BBS10: variants seen among roughly 807,000 people sequenced by gnomAD.
BBS10 encodes the protein BBSome complex assembly protein BBS10.
Under a neutral mutation model 12.7 loss-of-function variants are expected in BBS10, and 13 were observed. The observed-to-expected ratio is 1.03, with a 90% CI of 0.67 to 1.63. The LOEUF is 1.63. Among genes scored for constraint, BBS10 ranks in the 40% most tolerant of loss-of-function variants. BBS10 has a pLI of 0.00. For missense variants in BBS10, 858 were observed against 858.0 expected, an observed-to-expected ratio of 1.00 and a Z score of 0.00; for synonymous variants, 294 against 304.8, an observed-to-expected ratio of 0.96 and a Z score of 0.37.
chr12:76,346,469 A>T lies in BBS10; in HGVS notation c.1516T>A (p.Tyr506Asn), dbSNP rs750994616. 8 of 1,614,162 alleles carry T rather than the reference A, an allele frequency of 5.0e-6. No individual in the cohort carries two copies. The highest frequency in any genetic ancestry group is 6.8e-6 in the Non-Finnish European group (8 of 1,180,000). Residue 506 changes from tyrosine (Y) to asparagine (N), a missense_variant, in exon 2 of 2, where the codon TAT becomes AAT. Transcript: ENST00000650064. ...PDVELETYIP[Y>N]STPTLTPTDT... ...GTTGGTGTCAGTGTGGGGGTTGAAT[A>T]CGGAATATATGTTTCTAATTCTACA...
rs762785764 is a variant in BBS10, at chr12:76,346,860, G to A, written c.1125C>T (p.Ile375=). Residue 375 remains isoleucine, a synonymous_variant, in exon 2 of 2, where the codon ATC becomes ATT. Coordinates refer to ENST00000650064, the MANE Select transcript of BBS10 (RefSeq NM_024685.4). ...TALVKFCKPL[I]LRSKRYVHLG... ...GATGAACATATCTTTTGGATCTAAG[G>A]ATAAGAGGTTTACAAAATTTCACCA... 2.5e-6 allele frequency: 4 copies of A among 1,613,788 alleles called. No homozygotes were observed. Among genetic ancestry groups the A allele is most frequent in the Admixed American group, 3.3e-5 (2 of 59,990 alleles).
At position 76,346,253 on chromosome 12, in the gene BBS10, AGCTCACTGGTAACAT is replaced by A; in HGVS notation, c.1717_1731del (p.Met573_Ser577del). On this transcript the variant is annotated inframe_deletion, in exon 2 of 2. Coordinates refer to ENST00000650064, the MANE Select transcript of BBS10 (RefSeq NM_024685.4). ...GAAGTACCCATATTCGGTAACTTAC[AGCTCACTGGTAACAT>A]GCTTCCCTTTCTAGTAATATTTGTG... is the stretch of plus-strand genomic sequence containing the variant. 6.2e-7 allele frequency: 1 copy of A among 1,612,438 alleles called. No homozygotes were observed. Among genetic ancestry groups the A allele is most frequent in the Non-Finnish European group, 8.5e-7 (1 of 1,179,134 alleles).
chr12:76,346,931 C>A lies in BBS10; in HGVS notation c.1054G>T (p.Val352Leu), dbSNP rs779201114. 1.9e-6 allele frequency: 3 copies of A among 1,611,602 alleles called. No individual in the cohort carries two copies. The South Asian group carries it at 3.3e-5, about 18-fold the overall frequency. The change falls in exon 2 of 2, where the codon GTA becomes TTA. Residue 352 changes from valine to leucine, a missense_variant. By Grantham distance (32) the Val-to-Leu change is conservative. Transcript: ENST00000650064. Reference protein sequence around the residue: ...IRRIIGLSPFVPPQAFSQCEI... With the variant: ...IRRIIGLSPFLPPQAFSQCEI... ...CACTGCGAAAAGGCCTGTGGTGGTA[C>A]AAATGGAGAAAGACCAATGATCCTC...
At position 76,346,862 on chromosome 12, in the gene BBS10, T is replaced by TA. The variant is rs753604828; in HGVS notation, c.1122dup (p.Ile375TyrfsTer3). On this transcript the variant is annotated frameshift_variant, in exon 2 of 2. Transcript: ENST00000650064. LOFTEE classifies it low-confidence loss of function (END_TRUNC). ...TGAACATATCTTTTGGATCTAAGGA[T>TA]AAGAGGTTTACAAAATTTCACCAAA... The TA allele has an allele frequency of 3.1e-6, 5 of 1,613,828 alleles. No homozygotes were observed. The African/African-American group carries it at 6.7e-5, about 22-fold the overall frequency.
Position 76,347,293 on chromosome 12 carries a change from G to C in BBS10, c.692C>G (p.Ser231Ter). 7.4e-6 allele frequency: 12 copies of C among 1,613,828 alleles called. No individual in the cohort carries two copies. The highest frequency in any genetic ancestry group is 1.0e-5 in the Non-Finnish European group (12 of 1,180,020). The change falls in exon 2 of 2, where the codon TCA becomes TGA. Residue 231 changes from serine (S) to a stop codon, truncating the protein, a stop_gained. Transcript: ENST00000650064. LOFTEE classifies it low-confidence loss of function (END_TRUNC). ...LNVGVTGLPVSDSRIIAGLVL... is the reference protein window; with the variant it reads ...LNVGVTGLPV Reference sequence around the variant, plus strand: ...AAGACCAGCTATGATCCTGGAATCTGAAACAGGAAGGCCAGTGACACCAAC... The same window carrying C: ...AAGACCAGCTATGATCCTGGAATCTCAAACAGGAAGGCCAGTGACACCAAC...
Position 76,345,934 on chromosome 12 carries a change from T to G in BBS10, c.2051A>C (p.Lys684Thr). The part of the protein sequence containing the change: ...SQTGLESVMG[K>T]YQLLTSVLQC... Reference sequence around the variant, plus strand: ...AAGAACTGAAGTTAGTAGCTGGTATTTACCCATTACTGATTCCAAACCTGT... The same window carrying G: ...AAGAACTGAAGTTAGTAGCTGGTATGTACCCATTACTGATTCCAAACCTGT... Residue 684 changes from lysine to threonine, a missense_variant, in exon 2 of 2, where the codon AAA becomes ACA. Physicochemically the swap from Lys to Thr is moderately conservative, Grantham distance 78. Coordinates refer to ENST00000650064, the MANE Select transcript of BBS10 (RefSeq NM_024685.4). The G allele has an allele frequency of 6.2e-7, 1 of 1,614,070 alleles. No homozygotes were observed. The highest frequency in any genetic ancestry group is 8.5e-7 in the Non-Finnish European group (1 of 1,179,926).
rs376497190 is a variant in BBS10 at position 76,347,797 on chromosome 12, A to G, written c.198-10T>C. 53 of 1,599,402 alleles carry G rather than the reference A, an allele frequency of 3.3e-5. No individual in the cohort carries two copies. In the East Asian group the frequency reaches 3.6e-4, roughly 11 times the overall value. On this transcript the variant is annotated splice_polypyrimidine_tract_variant and intron_variant, in intron 1 of 1. Coordinates refer to ENST00000650064, the MANE Select transcript of BBS10 (RefSeq NM_024685.4). Reference sequence around the variant, plus strand: ...ACAGTCCACTATCATCCTGTACAAAAAAGAAATAAAGCAACTCATTTTCAG... The same window carrying G: ...ACAGTCCACTATCATCCTGTACAAAGAAGAAATAAAGCAACTCATTTTCAG...
chr12:76,344,937 TTAAAAA>T lies in BBS10; in HGVS notation c.*870_*875del, dbSNP rs1448349817. On this transcript the variant is annotated 3_prime_UTR_variant, in exon 2 of 2. Coordinates refer to ENST00000650064, the MANE Select transcript of BBS10 (RefSeq NM_024685.4). ...AAATGAAATAAATTAGAAATAAAAA[TTAAAAA>T]TAAAACAGAAATAAACATTAGAAAT... 6.6e-6 allele frequency: 1 copy of T among 152,056 alleles called. No homozygotes were observed. The allele number at this position is 152,056 out of a possible 1,614,324, so 9.4% of individuals were successfully genotyped here.
chr12:76,346,306 T>C lies in BBS10; in HGVS notation c.1679A>G (p.Glu560Gly). The change falls in exon 2 of 2, where the codon GAA becomes GGA. Residue 560 changes from glutamate to glycine, a missense_variant. Glu to Gly is a moderately conservative substitution (Grantham distance 98). Coordinates refer to ENST00000650064, the MANE Select transcript of BBS10 (RefSeq NM_024685.4). ...TRGNRIEISYENLQVTNITRK... is the reference protein window; with the variant it reads ...TRGNRIEISYGNLQVTNITRK... ...AGTAATATTTGTGACCTGTAAATTT[T>C]CGTAAGAAATTTCTATTCTATTTCC... The C allele has an allele frequency of 6.2e-7, 1 of 1,613,902 alleles. No homozygotes were observed.
At chr12:76,347,834 C>T (rs1315157018) in intron 1 of BBS10, 47 bp from the exon 2 acceptor site, 1 of 1,571,174 alleles carries the variant, frequency 6.4e-7, no homozygotes, top group Non-Finnish European at 8.6e-7. Flanking sequence ...AGGCTGGCTT[C>T]CCACATCTTA....
In BBS10 at chr12:76,347,612, G is replaced by T; in HGVS notation, c.373C>A (p.Arg125=). Residue 125 remains arginine, a synonymous_variant, in exon 2 of 2, where the codon CGG becomes AGG. Coordinates refer to ENST00000650064, the MANE Select transcript of BBS10 (RefSeq NM_024685.4). ...AGAGCCTGGGAAATAAATTTCCACC[G>T]AGAACAATTTTTCCAATGCCTTCCA... ...THGRHWKNCS[R]WKFISQALLT... is the part of the protein sequence containing the mutation. 1 of 1,613,634 alleles carries T rather than the reference G, an allele frequency of 6.2e-7. No individual in the cohort carries two copies. The highest frequency in any genetic ancestry group is 1.1e-5 in the South Asian group (1 of 91,066).
At chr12:76,347,868 G>T in intron 1 of BBS10, 81 bp from the exon 2 acceptor site, 1 of 1,417,792 alleles carries the variant, frequency 7.1e-7, no homozygotes, top group South Asian at 1.2e-5. Context: ...ACAGCCATAA[G>T]CATAAAATGA....
intron 1 of BBS10, 143 bp from the exon 2 acceptor site, chr12:76,347,930 T>A: frequency 9.3e-7 from 1 of 1,079,752 alleles, no homozygotes; most frequent in East Asian, 2.5e-5. Flanking sequence ...TGGAAAAAAC[T>A]CTGCTCTATT....
rs1376927835 is a variant in BBS10, at chr12:76,348,293, T to G, written c.66A>C (p.Glu22Asp). The stretch of plus-strand genomic sequence containing the variant: ...GCCCCACGCAGCAGCTCACGATGGC[T>G]TCCAGCACCTCGGCCACCTGCAACG... Reference protein sequence around the residue: ...KAALQVAEVLEAIVSCCVGPE... With the variant: ...KAALQVAEVLDAIVSCCVGPE... Residue 22 changes from glutamate to aspartate, a missense_variant, in exon 1 of 2, where the codon GAA becomes GAC. Transcript: ENST00000650064. The G allele has an allele frequency of 6.2e-7, 1 of 1,612,376 alleles. No homozygotes were observed. The highest frequency in any genetic ancestry group is 8.5e-7 in the Non-Finnish European group (1 of 1,179,242).
chr12:76,347,128 G>C lies in BBS10; in HGVS notation c.857C>G (p.Ser286Cys). The change falls in exon 2 of 2, where the codon TCT (serine) becomes TGT (cysteine). Residue 286 changes from serine (S) to cysteine (C), a missense_variant. Coordinates refer to ENST00000650064, the MANE Select transcript of BBS10 (RefSeq NM_024685.4). ...TGTCTTTTCCATAATCCAAAATTGA[G>C]ATGTCTGAAACTGTGCTTCTGAATT... ...ILNSEAQFQT[S>C]QFWIMEKTKA... The C allele has an allele frequency of 6.2e-7, 1 of 1,612,010 alleles. No homozygotes were observed. The highest frequency in any genetic ancestry group is 8.5e-7 in the Non-Finnish European group (1 of 1,179,856).
At position 76,347,679 on chromosome 12, in the gene BBS10, G is replaced by C; in HGVS notation, c.306C>G (p.Asp102Glu). 5.0e-6 allele frequency: 8 copies of C among 1,612,932 alleles called. No individual in the cohort carries two copies. Among genetic ancestry groups the C allele is most frequent in the Non-Finnish European group, 6.8e-6 (8 of 1,179,948 alleles). The change falls in exon 2 of 2, where the codon GAC (aspartate) becomes GAG (glutamate). Residue 102 changes from aspartate to glutamate, a missense_variant. Asp to Glu is a conservative substitution (Grantham distance 45, BLOSUM62 2). Coordinates refer to ENST00000650064, the MANE Select transcript of BBS10 (RefSeq NM_024685.4). ...HLLRGLHAIT[D>E]REKDPLMCEN... ...CACACATCAAAGGATCCTTTTCTCT[G>C]TCTGTGATTGCATGAAGTCCTCTAA...
In BBS10 at chr12:76,345,843, A is replaced by C. The variant is rs1463359253; in HGVS notation, c.2142T>G (p.Val714=). 13 of 1,613,702 alleles carry C rather than the reference A, an allele frequency of 8.1e-6. No homozygotes were observed. The highest frequency in any genetic ancestry group is 1.1e-5 in the Non-Finnish European group (13 of 1,179,800). Residue 714 remains valine (V), a synonymous_variant, in exon 2 of 2, where the codon GTT becomes GTG. Transcript: ENST00000650064. ...GTTCATCTTCTGAATCTTGATTGTG[A>C]ACTTTCTGAGGGTGTCTCTTAACAG... ...VITVKRHPQK[V]HNQDSEDEL is the part of the protein sequence containing the mutation.
chr12:76,348,056 C>A, intron 1 of BBS10, 106 bp downstream of exon 1: 1 of 1,338,130 alleles, frequency 7.5e-7, no homozygotes, highest in Non-Finnish European at 1.0e-6. Flanking sequence ...AGCGGTTTCA[C>A]CCGAGGTCAG....
In BBS10 at chr12:76,347,310, G is replaced by GACACCA. The variant is rs1270656449; in HGVS notation, c.669_674dup (p.Gly224_Val225dup). The GACACCA allele has an allele frequency of 1.2e-5, 20 of 1,613,866 alleles. No homozygotes were observed. Among genetic ancestry groups the GACACCA allele is most frequent in the Non-Finnish European group, 1.7e-5 (20 of 1,180,004 alleles). On this transcript the variant is annotated inframe_insertion, in exon 2 of 2. Transcript: ENST00000650064. ...TGGAATCTGAAACAGGAAGGCCAGT[G>GACACCA]ACACCAACATTCAACTCTACAAAAT...
Sources: allele counts gnomAD v4.1 joint callset, GRCh38; gene constraint gnomAD v4.1.1; transcripts MANE v1.5; gene names NCBI Gene and HGNC (gene_info 2026-07-23, HGNC 2026-07-21).